Variants in TMEM232 observed in about 807,000 individuals in gnomAD.
TMEM232 encodes transmembrane protein 232.
In TMEM232, 80 loss-of-function variants were observed where a neutral mutation model predicts 78.8. The observed-to-expected ratio is 1.01, with a 90% CI of 0.85 to 1.22. The LOEUF (loss-of-function observed/expected upper bound fraction) is 1.22, where lower values mean the gene tolerates loss of function less well. Ranked by LOEUF, TMEM232 falls within the 50% of genes most tolerant of loss-of-function variation. The pLI is 0.00. For missense variants in TMEM232, 881 were observed against 742.2 expected (o/e 1.19, Z -2.17); for synonymous variants, 297 against 254.3 (o/e 1.17, Z -1.60).
intron 1 of TMEM232, chr5:110,667,568 A>G (rs1790757337): frequency 6.0e-6 from 2 of 331,786 alleles, no homozygotes; most frequent in Non-Finnish European, 1.1e-5. Context: ...TTATAAGTAT[A>G]TATATCCAGT....
At chr5:110,671,841 C>T (rs1490170077) in intron 1 of TMEM232, among the ~76,000 whole-genome samples, 2 of 152,040 alleles carry the variant, frequency 1.3e-5, no homozygotes, top group African/African-American at 4.8e-5. Flanking sequence ...ATGTACATAC[C>T]TATGTAACAA....
rs192581140 is a variant in TMEM232, at chr5:110,606,919, A to G, written c.903-632T>C. 4.6e-3 allele frequency among the ~76,000 whole-genome samples: 694 copies of G among 152,154 alleles called. 1 individual carries two copies. The highest frequency in any genetic ancestry group is 8.1e-3 in the Non-Finnish European group (552 of 67,916). ...TTTGTGATACTTTTACTAAATGAAAAATAGTTTGAAAGAGAACTAATAAGA... is the reference window on the plus strand; with the variant it reads ...TTTGTGATACTTTTACTAAATGAAAGATAGTTTGAAAGAGAACTAATAAGA... On this transcript the variant is annotated intron_variant, in intron 8 of 13. Coordinates refer to ENST00000455884, the MANE Select transcript of TMEM232 (RefSeq NM_001039763.4).
intron 1 of TMEM232, among the ~76,000 whole-genome samples, chr5:110,698,205 A>T (rs1471632500): frequency 6.6e-6 from 1 of 151,640 alleles, no homozygotes; most frequent in Non-Finnish European, 1.5e-5. Context: ...CAAACACCGC[A>T]TGTTCTCACT....
At chr5:110,586,040 G>C (rs1413601174) in intron 10 of TMEM232, among the ~76,000 whole-genome samples, 1 of 152,110 alleles carries the variant, frequency 6.6e-6, no homozygotes, top group African/African-American at 2.4e-5. Context: ...CTTAATCACA[G>C]GGAAGGGGGA....
At chr5:110,631,180 C>T (rs1263403526) in intron 5 of TMEM232, among the ~76,000 whole-genome samples, 1 of 152,124 alleles carries the variant, frequency 6.6e-6, no homozygotes, top group East Asian at 1.9e-4. Flanking sequence ...AGTACTGTGG[C>T]CCCCAAGTAG....
At chr5:110,496,194 C>T (rs1052076117) in intron 12 of TMEM232, among the ~76,000 whole-genome samples, 2 of 151,818 alleles carry the variant, frequency 1.3e-5, no homozygotes, top group African/African-American at 2.4e-5. Flanking sequence ...TTTCGTTGTA[C>T]ATGTGCTGAA....
At chr5:110,575,862 G>A (rs761971594) in intron 10 of TMEM232, among the ~76,000 whole-genome samples, 11 of 152,026 alleles carry the variant, frequency 7.2e-5, no homozygotes. Flanking sequence ...GTTATGTAGA[G>A]TTTCAGCAGA....
chr5:110,681,341 G>C (rs1196002728), intron 1 of TMEM232, among the ~76,000 whole-genome samples: 1 of 152,196 alleles, frequency 6.6e-6, no homozygotes, highest in East Asian at 1.9e-4. Context: ...GAGCAGGGCA[G>C]CAGGAAGGTG....
chr5:110,687,812 A>G (rs1041057230), intron 1 of TMEM232, among the ~76,000 whole-genome samples: 1 of 152,126 alleles, frequency 6.6e-6, no homozygotes, highest in Admixed American at 6.6e-5. Context: ...GGTGCAAAAT[A>G]TGTTGGAAAA....
chr5:110,484,696 G>T (rs1764269726), intron 12 of TMEM232, among the ~76,000 whole-genome samples: 1 of 151,908 alleles, frequency 6.6e-6, no homozygotes, highest in African/African-American at 2.4e-5. Context: ...GACAAAAATT[G>T]CTACTAGAGG....
chr5:110,498,303 G>T (rs758996617), intron 12 of TMEM232, among the ~76,000 whole-genome samples: 3 of 152,066 alleles, frequency 2.0e-5, no homozygotes, highest in African/African-American at 4.8e-5. Flanking sequence ...GGATGGAATT[G>T]ATCAAAATAA....
chr5:110,390,361 G>A (rs2075400), intron 4 of TMEM232: 42,080 of 151,770 alleles, frequency 0.28, 10,355 homozygotes, highest in African/African-American at 0.66. Context: ...ACAATCTGCC[G>A]CTTCTTACAC....
intron 10 of TMEM232, among the ~76,000 whole-genome samples, chr5:110,593,381 C>T (rs1445475146): frequency 6.6e-6 from 1 of 152,126 alleles, no homozygotes; most frequent in Non-Finnish European, 1.5e-5. Context: ...GATTTGAAAA[C>T]TTCAAAATAA....
At chr5:110,522,664 G>C (rs191584261) in intron 12 of TMEM232, among the ~76,000 whole-genome samples, 149 of 152,194 alleles carry the variant, frequency 9.8e-4, no homozygotes, top group Non-Finnish European at 1.9e-3. Context: ...CACCTGTTGA[G>C]ATTATTACGT....
At chr5:110,573,582 A>G (rs1233345018) in intron 10 of TMEM232, among the ~76,000 whole-genome samples, 2 of 152,120 alleles carry the variant, frequency 1.3e-5, no homozygotes, top group East Asian at 3.9e-4. Context: ...ATTCCAATGG[A>G]CAGAGACAGA....
intron 1 of TMEM232, among the ~76,000 whole-genome samples, chr5:110,700,782 A>ATAGG (rs373133449): frequency 4.4e-4 from 56 of 126,644 alleles, no homozygotes; most frequent in African/African-American, 1.3e-3. Flanking sequence ...AGATAGATAG[A>ATAGG]TAGGTAGATA....
At chr5:110,389,200 G>A (rs2112553391) in intron 4 of TMEM232, among the ~76,000 whole-genome samples, 1 of 152,270 alleles carries the variant, frequency 6.6e-6, no homozygotes, top group South Asian at 2.1e-4. Flanking sequence ...GGCGGAGGCT[G>A]CAGTGAGCCG....
chr5:110,493,768 TA>T (rs200806024), intron 12 of TMEM232, among the ~76,000 whole-genome samples: 4,620 of 151,834 alleles, frequency 0.03, 79 homozygotes, highest in African/African-American at 0.052. Flanking sequence ...AAGGATTGCT[TA>T]ATTGTGCCAA....
intron 11 of TMEM232, among the ~76,000 whole-genome samples, chr5:110,531,215 C>A (rs1277605095): frequency 1.3e-5 from 2 of 152,104 alleles, no homozygotes; most frequent in African/African-American, 2.4e-5. Flanking sequence ...AATGGCCCCA[C>A]CCCATCTCCC....
Sources: allele counts gnomAD v4.1 joint callset (sites outside exome capture counted in the v4.1 genomes callset), GRCh38; gene constraint gnomAD v4.1.1; transcripts MANE v1.5; gene names NCBI Gene and HGNC (gene_info 2026-07-23, HGNC 2026-07-21).